The following TRIP11 variants were observed in gnomAD, a reference collection of about 807,000 sequenced individuals.
TRIP11 encodes the protein thyroid receptor-interacting protein 11.
In TRIP11, 148 loss-of-function variants were observed where a neutral mutation model predicts 223.1. That is an observed-to-expected ratio of 0.66 (90% CI 0.58 to 0.76). The LOEUF (loss-of-function observed/expected upper bound fraction) is 0.76, where lower values mean the gene tolerates loss of function less well. Ranked by LOEUF, TRIP11 falls within the 30% of genes least tolerant of loss-of-function variation. The pLI is 0.00. For missense variants in TRIP11, 2,043 were observed against 2,222.0 expected (o/e 0.92, Z 1.62); for synonymous variants, 762 against 772.6 (o/e 0.99, Z 0.23).
chr14:92,025,891 A>AG, intron 2 of TRIP11, among the ~76,000 whole-genome samples: 1 of 152,142 alleles, frequency 6.6e-6, no homozygotes, highest in African/African-American at 2.4e-5. Context: ...AAAAAAAAAA[A>AG]AAAAGCACTG....
chr14:91,972,646 C>T, intron 20 of TRIP11, 71 bp downstream of exon 20: 1 of 1,471,990 alleles, frequency 6.8e-7, no homozygotes, highest in Non-Finnish European at 9.2e-7. Context: ...TAGTTAATAT[C>T]ACTGTGAAAC....
intron 4 of TRIP11, among the ~76,000 whole-genome samples, chr14:92,021,315 G>A (rs1000735182): frequency 2.6e-5 from 4 of 150,954 alleles, no homozygotes; most frequent in African/African-American, 4.9e-5. Context: ...CTGGAACCCA[G>A]GAGGCCGAGG....
chr14:92,015,425 G>A (rs1440455961), intron 6 of TRIP11, among the ~76,000 whole-genome samples: 1 of 151,974 alleles, frequency 6.6e-6, no homozygotes, highest in African/African-American at 2.4e-5. Flanking sequence ...TTGGGAGGCC[G>A]AGGTGGGTGG....
chr14:92,005,690 C>T lies in TRIP11; in HGVS notation c.2286G>A (p.Glu762=), dbSNP rs764924040. 3 of 1,613,744 alleles carry T rather than the reference C, an allele frequency of 1.9e-6. No homozygotes were observed. The highest frequency in any genetic ancestry group is 1.7e-5 in the Admixed American group (1 of 60,022). Residue 762 remains glutamate, a synonymous_variant, in exon 11 of 21, where the codon GAG becomes GAA. Coordinates refer to ENST00000267622, the MANE Select transcript of TRIP11 (RefSeq NM_004239.4). ...LNTSALQLEH[E]HLIKLNQKKD... ...TCTTTTGATTGAGTTTAATTAAATG[C>T]TCATGTTCCAGCTGTAAGGCAGAGG...
Position 91,995,425 on chromosome 14 carries a change from G to A in TRIP11, c.4983C>T (p.Val1661=), listed in dbSNP as rs201628289. The change falls in exon 14 of 21, where the codon GTC becomes GTT. Residue 1661 remains valine, a synonymous_variant. Transcript: ENST00000267622. ...QRDETALQLS[V]SQEQVKQYAL... is the part of the protein sequence containing the mutation. ...CATACTGCTTTACTTGTTCCTGAGA[G>A]ACAGAAAGCTGCAGCGCAGTTTCAT... The A allele has an allele frequency of 1.2e-4, 201 of 1,614,106 alleles. No individual in the cohort carries two copies. Among genetic ancestry groups the A allele is most frequent in the Non-Finnish European group, 1.5e-4 (177 of 1,180,022 alleles).
intron 1 of TRIP11, among the ~76,000 whole-genome samples, chr14:92,038,936 G>C (rs1388113776): frequency 1.3e-5 from 2 of 152,182 alleles, no homozygotes; most frequent in Admixed American, 6.5e-5. Context: ...CTTAAGAATA[G>C]GGTTGTCTTC....
At position 92,017,719 on chromosome 14, in the gene TRIP11, T is replaced by A. The variant is rs1409147252; in HGVS notation, c.620A>T (p.Asp207Val). Residue 207 changes from aspartate to valine, a missense_variant, in exon 5 of 21, where the codon GAT (aspartate) becomes GTT (valine). Coordinates refer to ENST00000267622, the MANE Select transcript of TRIP11 (RefSeq NM_004239.4). ...TSKAQGTDNS[D>V]QSEICKLQNI... ...TTGTAGTTTACATATTTCACTTTGA[T>A]CAGAGTTATCTGTTCCTTGTGCTTT... 8.7e-6 allele frequency: 14 copies of A among 1,612,848 alleles called. No homozygotes were observed. Among genetic ancestry groups the A allele is most frequent in the Non-Finnish European group, 1.2e-5 (14 of 1,179,424 alleles).
intron 16 of TRIP11, chr14:91,976,998 G>A (rs771668098): frequency 2.6e-4 from 62 of 241,826 alleles, no homozygotes; most frequent in Non-Finnish European, 3.9e-4. Flanking sequence ...TGCCAGAAAC[G>A]AATAGTTTGA....
In TRIP11 at chr14:91,999,292, T is replaced by C; in HGVS notation, c.4840A>G (p.Thr1614Ala). The change falls in exon 13 of 21, where the codon ACA (threonine) becomes GCA (alanine). Residue 1614 changes from threonine (T) to alanine (A), a missense_variant. By Grantham distance (58) the Thr-to-Ala change is moderately conservative (BLOSUM62 0). Transcript: ENST00000267622. The stretch of plus-strand genomic sequence containing the variant: ...GAAACTAGCTTTTCCTCCAATACTG[T>C]GACTTTCTTTCTTAGTTTAGCCTCT... ...DREAKLRKKV[T>A]VLEEKLVSSS... is the part of the protein sequence containing the mutation. 6.2e-7 allele frequency: 1 copy of C among 1,613,918 alleles called. No individual in the cohort carries two copies.
intron 2 of TRIP11, among the ~76,000 whole-genome samples, chr14:92,025,766 G>A (rs2057176987): frequency 1.3e-5 from 2 of 151,770 alleles, no homozygotes; most frequent in South Asian, 4.1e-4. Context: ...CGTAATCCCA[G>A]CTACTCGCGA....
At chr14:91,974,263 A>C (rs766836311) in intron 19 of TRIP11, among the ~76,000 whole-genome samples, 6 of 152,252 alleles carry the variant, frequency 3.9e-5, no homozygotes, top group Non-Finnish European at 7.3e-5. Context: ...GCAGGTACTC[A>C]GTAAGTATTC....
intron 7 of TRIP11, among the ~76,000 whole-genome samples, chr14:92,012,604 C>T (rs1479013036): frequency 6.6e-6 from 1 of 152,074 alleles, no homozygotes; most frequent in African/African-American, 2.4e-5. Context: ...AATACCTGCA[C>T]TGAATCAATA....
intron 2 of TRIP11, among the ~76,000 whole-genome samples, chr14:92,029,280 A>ATTTTTTTTTTTTTTTTTTTT (rs60778253): frequency 1.3e-5 from 1 of 76,762 alleles, no homozygotes; most frequent in Non-Finnish European, 2.3e-5. Flanking sequence ...CCAAAGTATT[A>ATTTTTTTTTTTTTTTTTTTT]TTTTTTTTTT....
At chr14:91,990,482 T>A in intron 15 of TRIP11, among the ~76,000 whole-genome samples, 1 of 152,300 alleles carries the variant, frequency 6.6e-6, no homozygotes, top group East Asian at 1.9e-4. Context: ...CTTTAAATTT[T>A]AAAAAATAAA....
intron 4 of TRIP11, among the ~76,000 whole-genome samples, chr14:92,018,572 A>C (rs2057066525): frequency 6.6e-6 from 1 of 152,226 alleles, no homozygotes; most frequent in African/African-American, 2.4e-5. Flanking sequence ...AAGAAAGAAT[A>C]AAGTATAATA....
chr14:92,032,197 G>A (rs576451644), intron 2 of TRIP11, among the ~76,000 whole-genome samples: 65 of 152,120 alleles, frequency 4.3e-4, no homozygotes, highest in African/African-American at 1.5e-3. Flanking sequence ...ACTCAGGCTG[G>A]AATGCAATGG....
At chr14:92,034,416 CTT>C (rs1158788678) in intron 1 of TRIP11, among the ~76,000 whole-genome samples, 10 of 132,000 alleles carry the variant, frequency 7.6e-5, no homozygotes, top group South Asian at 2.6e-4. Flanking sequence ...GAGTGAGACT[CTT>C]GTCTCCAAAA....
chr14:91,975,078 C>T, intron 18 of TRIP11, 94 bp downstream of exon 18: 1 of 1,150,056 alleles, frequency 8.7e-7, no homozygotes, highest in Non-Finnish European at 1.3e-6. Flanking sequence ...AAATTACACT[C>T]AGTAAAAGTT....
intron 16 of TRIP11, among the ~76,000 whole-genome samples, chr14:91,985,646 C>T (rs568573997): frequency 2.4e-4 from 36 of 152,274 alleles, no homozygotes; most frequent in African/African-American, 6.7e-4. Context: ...TAGAAGTAAC[C>T]AATACTTTGC....
Sources: gnomAD v4.1 joint callset for allele counts (sites outside exome capture counted in the v4.1 genomes callset) on GRCh38, gnomAD v4.1.1 for gene constraint, MANE v1.5 for transcripts, NCBI Gene and HGNC (gene_info 2026-07-23, HGNC 2026-07-21) for gene names.